GCSAML: variants seen among roughly 807,000 people sequenced by gnomAD.
GCSAML encodes the protein germinal center-associated signaling and motility-like protein.
In GCSAML, 9 loss-of-function variants were observed where a neutral mutation model predicts 13.0. The ratio of observed to expected loss-of-function variants is 0.69; its 90% CI spans 0.42 to 1.21. GCSAML has a LOEUF of 1.21. GCSAML is among the 50% of genes most tolerant of loss of function. GCSAML has a pLI of 0.00. For synonymous variants in GCSAML, 37 were observed against 52.9 expected (o/e 0.70, Z 1.31); for missense variants, 143 against 153.4 (o/e 0.93, Z 0.36).
At position 247,563,493 on chromosome 1, in the gene GCSAML, T is replaced by C. The variant is rs78593437; in HGVS notation, c.90-97T>C. ...AATATTTGCATGGAAAATCTAACAA[T>C]GGCCTTAGGTTAAGGGCAACCAAAT... On this transcript the variant is annotated intron_variant, in intron 2 of 4. Coordinates refer to ENST00000366488, the MANE Select transcript of GCSAML (RefSeq NM_145278.5). 6.8e-3 allele frequency: 4,127 copies of C among 602,752 alleles called. 123 individuals carry two copies. The African/African-American group carries it at 0.073, about 11-fold the overall frequency. 37.3% of individuals were successfully genotyped at this position (602,752 alleles called of 1,614,324 possible).
At chr1:247,530,516 A>AACCC (rs753278779) in intron 2 of GCSAML, 12 of 58,556 alleles carry the variant, frequency 2.0e-4, no homozygotes, top group South Asian at 1.3e-3. Flanking sequence ...ACACCATGCC[A>AACCC]TCCCCCCCCC....
intron 2 of GCSAML, chr1:247,532,309 G>A (rs762142020): frequency 1.2e-6 from 2 of 1,614,204 alleles, no homozygotes; most frequent in South Asian, 2.2e-5. Flanking sequence ...GTCCAGGAAG[G>A]GGAGGTTGGC....
chr1:247,530,747 C>T (rs1354513554), intron 2 of GCSAML: 2 of 150,790 alleles, frequency 1.3e-5, no homozygotes, highest in African/African-American at 5.0e-5. Flanking sequence ...CCCGTCAGGA[C>T]TAGGTAGGTC....
rs1668813327 is a variant in GCSAML at position 247,575,794 on chromosome 1, G to A, written c.*1412G>A. The A allele has an allele frequency of 6.6e-6, 1 of 152,148 alleles. No homozygotes were observed. Among genetic ancestry groups the A allele is most frequent in the Non-Finnish European group, 1.5e-5 (1 of 68,030 alleles). 9.4% of individuals were successfully genotyped at this position (152,148 alleles called of 1,614,324 possible). On this transcript the variant is annotated 3_prime_UTR_variant, in exon 5 of 5. Coordinates refer to ENST00000366488, the MANE Select transcript of GCSAML (RefSeq NM_145278.5). ...TAACCTGTGACTAGTTATCTCTACC[G>A]AAGGTGGATGTGTAGTTTCTGGTTT...
At chr1:247,537,498 T>C (rs575702289) in intron 2 of GCSAML, among the ~76,000 whole-genome samples, 30 of 152,282 alleles carry the variant, frequency 2.0e-4, no homozygotes, top group Non-Finnish European at 3.8e-4. Context: ...TTCTACTGGG[T>C]ATACCTGGGA....
rs1394015675 is a variant in GCSAML, at chr1:247,508,986, C to T, written c.-263+1753C>T. Among the ~76,000 whole-genome samples, 7 of 152,244 alleles carry T rather than the reference C, an allele frequency of 4.6e-5. No homozygotes were observed. The East Asian group carries it at 7.7e-4, about 17-fold the overall frequency. ...CTTAGAAACATCTTGGCGATTTGGG[C>T]TCTTTTTTTGGTTCCATCTGAATTT... is the stretch of plus-strand genomic sequence containing the variant. On this transcript the variant is annotated intron_variant, in intron 1 of 5. Coordinates refer to the GCSAML transcript ENST00000366489.
intron 2 of GCSAML, among the ~76,000 whole-genome samples, chr1:247,561,870 G>C (rs1453174016): frequency 6.6e-6 from 1 of 152,040 alleles, no homozygotes; most frequent in Non-Finnish European, 1.5e-5. Context: ...ACCAAACTGA[G>C]GGCGGCTCAC....
chr1:247,511,443 C>T (rs759850403), intron 1 of GCSAML, among the ~76,000 whole-genome samples: 1 of 152,080 alleles, frequency 6.6e-6, no homozygotes, highest in Non-Finnish European at 1.5e-5. Context: ...GAATATAGCA[C>T]ACAGATGGGT....
chr1:247,511,732 T>C (rs990101720), intron 1 of GCSAML, among the ~76,000 whole-genome samples: 6 of 152,242 alleles, frequency 3.9e-5, no homozygotes, highest in African/African-American at 1.4e-4. Context: ...CATTTGCTTG[T>C]CTGCAAAGGA....
intron 2 of GCSAML, among the ~76,000 whole-genome samples, chr1:247,557,489 T>C (rs1416105528): frequency 6.6e-6 from 1 of 152,238 alleles, no homozygotes; most frequent in African/African-American, 2.4e-5. Context: ...AGCTCTTTTT[T>C]AATCATTTCA....
chr1:247,559,629 T>G (rs1668057728), intron 2 of GCSAML, among the ~76,000 whole-genome samples: 1 of 152,172 alleles, frequency 6.6e-6, no homozygotes, highest in South Asian at 2.1e-4. Context: ...TCTATATTCA[T>G]TTACTAAGGC....
At chr1:247,517,745 G>A (rs1666262710) in intron 1 of GCSAML, among the ~76,000 whole-genome samples, 1 of 152,112 alleles carries the variant, frequency 6.6e-6, no homozygotes, top group Admixed American at 6.5e-5. Flanking sequence ...AGTGAGACTC[G>A]CTAAAAACTG....
intron 2 of GCSAML, among the ~76,000 whole-genome samples, chr1:247,543,852 T>C (rs1053344291): frequency 6.6e-6 from 1 of 152,068 alleles, no homozygotes; most frequent in South Asian, 2.1e-4. Context: ...TGCAGTGGCA[T>C]GATCATAGCT....
upstream of GCSAML, among the ~76,000 whole-genome samples, chr1:247,544,304 G>A (rs572793200): frequency 3.4e-4 from 51 of 152,220 alleles, no homozygotes; most frequent in African/African-American, 1.2e-3. Context: ...TAAAAGAGTT[G>A]GTAAATAAGA....
rs1666714736 is a variant in GCSAML, at chr1:247,527,155, C to T, written c.-148+101C>T. On this transcript the variant is annotated intron_variant, in intron 2 of 5. Coordinates refer to the GCSAML transcript ENST00000366489. This position sits in a 1 kb window ranked among gnomAD's most constrained non-coding sequence, Gnocchi z 4.6. ...GCAGTTGGGTGAGCACATGACCAATCAGCCTGAGCATTTAAGGCAGTTGGA... is the reference window on the plus strand; with the variant it reads ...GCAGTTGGGTGAGCACATGACCAATTAGCCTGAGCATTTAAGGCAGTTGGA... 1 of 435,360 alleles carries T rather than the reference C, an allele frequency of 2.3e-6. No homozygotes were observed. Among genetic ancestry groups the T allele is most frequent in the South Asian group, 1.7e-5 (1 of 60,298 alleles). 27.0% of individuals were successfully genotyped at this position (435,360 alleles called of 1,614,324 possible).
At position 247,576,195 on chromosome 1, in the gene GCSAML, G is replaced by C. The variant is rs556786439; in HGVS notation, c.*1813G>C. On this transcript the variant is annotated 3_prime_UTR_variant, in exon 5 of 5. Transcript: ENST00000366488. ...ATTTTATGCCTGAAACAGAGTTTGCGCACATTGGACCATCAGAAAGCAGAA... is the reference window on the plus strand; with the variant it reads ...ATTTTATGCCTGAAACAGAGTTTGCCCACATTGGACCATCAGAAAGCAGAA... 1 of 152,098 alleles carries C rather than the reference G, an allele frequency of 6.6e-6. No homozygotes were observed. Among genetic ancestry groups the C allele is most frequent in the South Asian group, 2.1e-4 (1 of 4,826 alleles). The allele number at this position is 152,098 out of a possible 1,614,324, so 9.4% of individuals were successfully genotyped here.
rs532087095 is a variant in GCSAML, at chr1:247,520,094, A to G, written c.-262-6846A>G. ...ATATTTTCCTTTAAAATTTACACTA[A>G]AAAAAGGTGCGCTTCTCTGATTACT... On this transcript the variant is annotated intron_variant, in intron 1 of 5. Coordinates refer to the GCSAML transcript ENST00000366489. Among the ~76,000 whole-genome samples, 84 of 152,296 alleles carry G rather than the reference A, an allele frequency of 5.5e-4. 1 individual carries two copies. The South Asian group carries it at 0.016, about 30-fold the overall frequency.
At chr1:247,516,195 T>G (rs563149561) in intron 1 of GCSAML, among the ~76,000 whole-genome samples, 2 of 152,328 alleles carry the variant, frequency 1.3e-5, no homozygotes, top group African/African-American at 4.8e-5. Flanking sequence ...TCTTGTGTGT[T>G]TCTGAAAACA....
At chr1:247,541,405 A>G (rs1393261471) in intron 2 of GCSAML, among the ~76,000 whole-genome samples, 1 of 152,172 alleles carries the variant, frequency 6.6e-6, no homozygotes, top group Non-Finnish European at 1.5e-5. Context: ...TAATTCAGCT[A>G]TTCATTATAT....
Sources: allele counts gnomAD v4.1 joint callset (sites outside exome capture counted in the v4.1 genomes callset), GRCh38; gene constraint gnomAD v4.1.1; non-coding constraint Gnocchi (gnomAD v3.1); transcripts MANE v1.5; gene names NCBI Gene and HGNC (gene_info 2026-07-23, HGNC 2026-07-21).